The following RORA variants were observed in gnomAD, a reference collection of about 807,000 sequenced individuals.
RORA encodes the protein RAR related orphan receptor A.
RORA carries 7 observed loss-of-function variants against 69.5 expected under a neutral mutation model. The ratio of observed to expected loss-of-function variants is 0.10; its 90% confidence interval spans 0.06 to 0.19. The LOEUF is 0.19. RORA is among the 10% of genes least tolerant of loss of function. RORA has a pLI of 1.00. For missense variants in RORA, 457 were observed against 663.0 expected, an observed-to-expected ratio of 0.69 and a Z score of 3.41; for synonymous variants, 261 against 240.8, an observed-to-expected ratio of 1.08 and a Z score of -0.78.
chr15:60,632,987 A>G (rs982093947), intron 2 of RORA, among the ~76,000 whole-genome samples: 2 of 152,238 alleles, frequency 1.3e-5, no homozygotes, highest in Non-Finnish European at 2.9e-5. Flanking sequence ...ACCATCTTCA[A>G]TTACCATTAA....
intron 1 of RORA, among the ~76,000 whole-genome samples, chr15:61,092,968 A>C (rs972043579): frequency 3.9e-5 from 6 of 152,278 alleles, no homozygotes; most frequent in African/African-American, 1.4e-4. Flanking sequence ...GTATAAATAA[A>C]GTATGACATT....
chr15:60,889,295 C>A (rs569740956), intron 1 of RORA, among the ~76,000 whole-genome samples: 16 of 146,036 alleles, frequency 1.1e-4, no homozygotes, highest in African/African-American at 4.0e-4. Flanking sequence ...GGCAAGCTTC[C>A]TTTTGCAGAA....
Position 61,111,785 on chromosome 15 carries a change from A to G in RORA, c.166+117268T>C, listed in dbSNP as rs2079008439. ...AATGCAAATGAGTGAATTTTATAAA[A>G]GGCAAAGATAAAAAAATTATAATCC... On this transcript the variant is annotated intron_variant, in intron 1 of 10. Transcript: ENST00000335670. Among the ~76,000 whole-genome samples, 3 of 152,270 alleles carry G rather than the reference A, an allele frequency of 2.0e-5. No individual in the cohort carries two copies. The South Asian group carries it at 6.2e-4, about 31-fold the overall frequency.
chr15:60,846,628 C>T (rs1045632596), intron 1 of RORA, among the ~76,000 whole-genome samples: 2 of 152,190 alleles, frequency 1.3e-5, no homozygotes, highest in Non-Finnish European at 2.9e-5. Context: ...GAGCTTTTGT[C>T]ACTACATATC....
intron 5 of RORA, among the ~76,000 whole-genome samples, chr15:60,506,729 G>T (rs1207483713): frequency 6.6e-6 from 1 of 152,058 alleles, no homozygotes; most frequent in Non-Finnish European, 1.5e-5. Flanking sequence ...TTGGCTGTCT[G>T]TGATCCCAGC....
chr15:60,863,866 G>C (rs2073458102), intron 1 of RORA, among the ~76,000 whole-genome samples: 1 of 151,294 alleles, frequency 6.6e-6, no homozygotes, highest in African/African-American at 2.4e-5. Flanking sequence ...GAGTGCAGTG[G>C]CACCATCTCA....
chr15:60,837,177 G>A (rs756199962), intron 1 of RORA, among the ~76,000 whole-genome samples: 4 of 151,806 alleles, frequency 2.6e-5, no homozygotes, highest in Admixed American at 6.6e-5. Flanking sequence ...GCACCCCCTC[G>A]TTGACTTTTA....
intron 1 of RORA, among the ~76,000 whole-genome samples, chr15:61,058,238 T>C (rs773741314): frequency 5.9e-5 from 9 of 152,048 alleles, no homozygotes; most frequent in Non-Finnish European, 1.2e-4. Flanking sequence ...GAGGGAAATA[T>C]AGATCAGAAA....
At chr15:60,685,194 A>C (rs1389585506) in intron 1 of RORA, among the ~76,000 whole-genome samples, 1 of 152,188 alleles carries the variant, frequency 6.6e-6, no homozygotes. Flanking sequence ...TGGAGAGCTA[A>C]GGAAAGAATT....
intron 1 of RORA, among the ~76,000 whole-genome samples, chr15:60,742,193 C>A (rs1046055366): frequency 6.6e-6 from 1 of 152,174 alleles, no homozygotes; most frequent in African/African-American, 2.4e-5. Flanking sequence ...TCCTCACTGT[C>A]ATCCACATTG....
chr15:60,731,699 C>T (rs1273801745), intron 1 of RORA, among the ~76,000 whole-genome samples: 1 of 152,216 alleles, frequency 6.6e-6, no homozygotes, highest in Non-Finnish European at 1.5e-5. Context: ...GCAGACATCA[C>T]TAATCTATTG....
At chr15:60,942,177 T>A (rs763498959) in intron 1 of RORA, among the ~76,000 whole-genome samples, 1 of 152,168 alleles carries the variant, frequency 6.6e-6, no homozygotes, top group African/African-American at 2.4e-5. Flanking sequence ...TAACTATCTA[T>A]GGAGCCCTTA....
At chr15:60,544,163 T>G (rs549084715) in intron 2 of RORA, among the ~76,000 whole-genome samples, 2 of 152,332 alleles carry the variant, frequency 1.3e-5, no homozygotes, top group South Asian at 4.1e-4. Flanking sequence ...CCTCCTCTTC[T>G]GTTCTTAGGC....
At chr15:61,090,379 A>G (rs1258984272) in intron 1 of RORA, among the ~76,000 whole-genome samples, 1 of 152,236 alleles carries the variant, frequency 6.6e-6, no homozygotes, top group Non-Finnish European at 1.5e-5. Context: ...TGAATGAGGC[A>G]GTTGCCAACA....
intron 5 of RORA, among the ~76,000 whole-genome samples, chr15:60,506,069 G>A (rs1157181590): frequency 2.0e-5 from 3 of 152,182 alleles, no homozygotes; most frequent in Non-Finnish European, 2.9e-5. Context: ...TGACAACTAG[G>A]TATTTCTTTT....
At chr15:60,940,103 C>T (rs1367243719) in intron 1 of RORA, among the ~76,000 whole-genome samples, 1 of 152,182 alleles carries the variant, frequency 6.6e-6, no homozygotes, top group Non-Finnish European at 1.5e-5. Context: ...ACCTCCAACC[C>T]TATCAGCATT....
chr15:60,983,760 A>AT (rs1748707835), intron 1 of RORA, among the ~76,000 whole-genome samples: 1 of 152,188 alleles, frequency 6.6e-6, no homozygotes, highest in Admixed American at 6.5e-5. Flanking sequence ...AAATAAACGA[A>AT]TGAATACATA....
intron 1 of RORA, among the ~76,000 whole-genome samples, chr15:60,828,767 C>G (rs536288888): frequency 6.6e-6 from 1 of 152,350 alleles, no homozygotes; most frequent in South Asian, 2.1e-4. Context: ...CTCTCTTCTT[C>G]CTGATTCCCA....
intron 1 of RORA, among the ~76,000 whole-genome samples, chr15:61,171,850 G>A (rs2079588129): frequency 1.3e-5 from 2 of 152,188 alleles, no homozygotes; most frequent in South Asian, 2.1e-4. Flanking sequence ...GGAGAGGAAC[G>A]ATGCCTTTAA....
Sources: allele counts gnomAD v4.1 joint callset (sites outside exome capture counted in the v4.1 genomes callset), GRCh38; gene constraint gnomAD v4.1.1; transcripts MANE v1.5; gene names NCBI Gene and HGNC (gene_info 2026-07-23, HGNC 2026-07-21).